NTRK3: variants seen among roughly 807,000 people sequenced by gnomAD.
The protein encoded by NTRK3 is neurotrophic receptor tyrosine kinase 3.
A neutral mutation model predicts 91.7 loss-of-function variants in NTRK3; 24 were observed. That is an observed-to-expected ratio of 0.26 (90% CI 0.19 to 0.37). The LOEUF (loss-of-function observed/expected upper bound fraction) is 0.37, where lower values mean the gene tolerates loss of function less well. Ranked by LOEUF, NTRK3 falls within the 10% of genes least tolerant of loss-of-function variation. The pLI is 1.00. For missense variants in NTRK3, 880 were observed against 1,068.9 expected, an observed-to-expected ratio of 0.82 and a Z score of 2.46; for synonymous variants, 483 against 404.0, an observed-to-expected ratio of 1.20 and a Z score of -2.34.
intron 3 of NTRK3, among the ~76,000 whole-genome samples, chr15:88,236,666 T>TA (rs60381926): frequency 0.79 from 112,777 of 142,888 alleles, 44,797 homozygotes; most frequent in East Asian, 0.96. Flanking sequence ...AGGAAGGGAT[T>TA]AAAAAAAAAA....
At chr15:88,116,656 T>C (rs1008724980) in intron 13 of NTRK3, among the ~76,000 whole-genome samples, 19 of 152,216 alleles carry the variant, frequency 1.2e-4, no homozygotes, top group African/African-American at 4.6e-4. Context: ...GTCTGGGACC[T>C]TGTAACAAAT....
chr15:88,033,593 G>A (rs1596847198), intron 13 of NTRK3, among the ~76,000 whole-genome samples: 1 of 151,990 alleles, frequency 6.6e-6, no homozygotes, highest in Admixed American at 6.6e-5. Flanking sequence ...TTACAGGTGT[G>A]AGTCATCATG....
chr15:88,150,986 C>T (rs1322413718), intron 5 of NTRK3, among the ~76,000 whole-genome samples: 1 of 152,056 alleles, frequency 6.6e-6, no homozygotes, highest in Non-Finnish European at 1.5e-5. Context: ...AGCTGGTTAC[C>T]CTGCTCATCA....
intron 5 of NTRK3, among the ~76,000 whole-genome samples, chr15:88,159,943 TACACACAC>T (rs59254719): frequency 0.015 from 1,714 of 112,000 alleles, 23 homozygotes; most frequent in East Asian, 0.03. Flanking sequence ...CCCAGCCTCC[TACACACAC>T]ACACACACAC....
chr15:87,881,272 A>T (rs1317912157), intron 17 of NTRK3, among the ~76,000 whole-genome samples: 2 of 152,258 alleles, frequency 1.3e-5, no homozygotes, highest in African/African-American at 4.8e-5. Flanking sequence ...CATCATTAGT[A>T]AATAGATTTT....
At chr15:88,150,832 C>T (rs1188522839) in intron 5 of NTRK3, among the ~76,000 whole-genome samples, 1 of 152,156 alleles carries the variant, frequency 6.6e-6, no homozygotes, top group Non-Finnish European at 1.5e-5. Context: ...GCCACCCTGC[C>T]CTCACCGGCA....
Position 87,876,866 on chromosome 15 carries a change from G to A in NTRK3, c.*69C>T, listed in dbSNP as rs2141433499. ...CAGTCAAGGATGGAAGGAGTTGTGA[G>A]GTGGAAGGGAGATGTGAGGCAGGGA... On this transcript the variant is annotated 3_prime_UTR_variant, in exon 19 of 19. Coordinates refer to ENST00000394480, the Ensembl canonical transcript of NTRK3. 1.0e-5 allele frequency: 16 copies of A among 1,543,164 alleles called. No individual in the cohort carries two copies. In the South Asian group the frequency reaches 1.8e-4, roughly 17 times the overall value.
At chr15:87,897,559 C>A (rs1435402) in intron 17 of NTRK3, among the ~76,000 whole-genome samples, 87,805 of 151,846 alleles carry the variant, frequency 0.58, 25,935 homozygotes, top group East Asian at 0.65. Flanking sequence ...AGCTCAGATC[C>A]ATGGATCACA....
intron 14 of NTRK3, among the ~76,000 whole-genome samples, chr15:87,977,085 C>T (rs2073791689): frequency 1.3e-5 from 2 of 152,212 alleles, no homozygotes; most frequent in Non-Finnish European, 2.9e-5. Context: ...TCACCTCTCA[C>T]ACTGTGTGAC....
intron 14 of NTRK3, among the ~76,000 whole-genome samples, chr15:87,987,205 T>A (rs1462054989): frequency 1.3e-5 from 2 of 152,258 alleles, no homozygotes; most frequent in Non-Finnish European, 2.9e-5. Flanking sequence ...TGTAATTGAA[T>A]CCTTAACATA....
intron 13 of NTRK3, among the ~76,000 whole-genome samples, chr15:88,041,414 C>T (rs149036788): frequency 6.6e-6 from 1 of 152,314 alleles, no homozygotes; most frequent in South Asian, 2.1e-4. Flanking sequence ...TAGGCACTCA[C>T]TAGGACTGCA....
chr15:88,050,485 CCG>C (rs2080716396), intron 13 of NTRK3, among the ~76,000 whole-genome samples: 1 of 146,142 alleles, frequency 6.8e-6, no homozygotes, highest in Non-Finnish European at 1.5e-5. Flanking sequence ...TCAATATATA[CCG>C]TGTGTGTGTG....
intron 13 of NTRK3, among the ~76,000 whole-genome samples, chr15:88,088,641 T>C (rs2048728081): frequency 6.6e-6 from 1 of 152,202 alleles, no homozygotes; most frequent in Non-Finnish European, 1.5e-5. Context: ...AATATGGTAA[T>C]AATAATGGTA....
chr15:88,210,813 A>G (rs943173951), intron 3 of NTRK3, among the ~76,000 whole-genome samples: 1 of 152,188 alleles, frequency 6.6e-6, no homozygotes, highest in Admixed American at 6.5e-5. Flanking sequence ...GTCAACTTCC[A>G]TCAGAGAGCG....
At chr15:88,047,005 C>T (rs535061221) in intron 13 of NTRK3, among the ~76,000 whole-genome samples, 4 of 152,264 alleles carry the variant, frequency 2.6e-5, no homozygotes, top group South Asian at 4.2e-4. Context: ...CTGCCCTGAC[C>T]GCCCTGCAGA....
At chr15:88,125,042 T>C (rs959007234) in intron 13 of NTRK3, among the ~76,000 whole-genome samples, 21 of 152,208 alleles carry the variant, frequency 1.4e-4, no homozygotes, top group Admixed American at 7.2e-4. Flanking sequence ...TGCAGTGGTG[T>C]GATGACAGCT....
rs1200026853 is a variant in NTRK3, at chr15:88,255,628, C to G, written c.248+278G>C. 6.6e-6 allele frequency among the ~76,000 whole-genome samples: 1 copy of G among 152,186 alleles called. No homozygotes were observed. The highest frequency in any genetic ancestry group is 1.9e-4 in the East Asian group (1 of 5,176). On this transcript the variant is annotated intron_variant, in intron 3 of 18. Coordinates refer to ENST00000394480, the Ensembl canonical transcript of NTRK3. The surrounding 1 kb of genome is among the most constrained non-coding windows in gnomAD (Gnocchi z 4.3). ...AACGAGCCAGCAACTGGTTGGGAGG[C>G]GGGCGGTAGCTGGGCCCCGCGTGCC... is the stretch of plus-strand genomic sequence containing the variant.
At chr15:87,933,916 C>T (rs752393013) in intron 15 of NTRK3, among the ~76,000 whole-genome samples, 2 of 152,164 alleles carry the variant, frequency 1.3e-5, no homozygotes, top group African/African-American at 4.8e-5. Context: ...TGGGGGCCAC[C>T]AGAATGCCAC....
intron 13 of NTRK3, among the ~76,000 whole-genome samples, chr15:88,116,499 G>T (rs977148962): frequency 5.9e-5 from 9 of 152,148 alleles, no homozygotes; most frequent in Non-Finnish European, 1.0e-4. Context: ...CCAGCCTATA[G>T]ACCTTTGAGG....
Sources: allele counts gnomAD v4.1 joint callset (sites outside exome capture counted in the v4.1 genomes callset), GRCh38; gene constraint gnomAD v4.1.1; non-coding constraint Gnocchi (gnomAD v3.1); transcripts MANE v1.5; gene names NCBI Gene and HGNC (gene_info 2026-07-23, HGNC 2026-07-21).